The following EPHA6 variants were observed in gnomAD, a reference collection of about 807,000 sequenced individuals.
The protein encoded by EPHA6 is ephrin type-A receptor 6.
Under a neutral mutation model 112.0 loss-of-function variants are expected in EPHA6, and 50 were observed. The ratio of observed to expected loss-of-function variants is 0.45; its 90% CI spans 0.36 to 0.56. The LOEUF (loss-of-function observed/expected upper bound fraction) is 0.56, where lower values mean the gene tolerates loss of function less well. EPHA6 is among the 20% of genes least tolerant of loss of function. The probability of loss-of-function intolerance (pLI) is 0.00; values close to 1 mark genes in which losing one functional copy is unlikely to be tolerated. For synonymous variants in EPHA6, 529 were observed against 490.7 expected (o/e 1.08, Z -1.03); for missense variants, 1,280 against 1,417.4 (o/e 0.90, Z 1.56).
chr3:96,908,249 G>A (rs995015629), intron 2 of EPHA6, among the ~76,000 whole-genome samples: 35 of 152,012 alleles, frequency 2.3e-4, no homozygotes, highest in African/African-American at 7.9e-4. Flanking sequence ...AACATTATGC[G>A]GAGCATGACT....
chr3:97,018,880 G>T (rs548951454), intron 3 of EPHA6, among the ~76,000 whole-genome samples: 27 of 152,274 alleles, frequency 1.8e-4, no homozygotes, highest in African/African-American at 6.5e-4. Flanking sequence ...CTTAGACCAC[G>T]GTCCGCCTGG....
chr3:96,955,311 C>T (rs1303529895), intron 2 of EPHA6, among the ~76,000 whole-genome samples: 1 of 152,078 alleles, frequency 6.6e-6, no homozygotes, highest in East Asian at 1.9e-4. Context: ...CATATTATAT[C>T]TCTTTTCATT....
intron 2 of EPHA6, among the ~76,000 whole-genome samples, chr3:96,867,500 A>G (rs1439719663): frequency 2.0e-5 from 3 of 151,688 alleles, no homozygotes; most frequent in Non-Finnish European, 4.4e-5. Context: ...ATTTTGCATC[A>G]TTTTCATATT....
intron 3 of EPHA6, among the ~76,000 whole-genome samples, chr3:97,201,898 T>C (rs1440786727): frequency 6.6e-6 from 1 of 152,054 alleles, no homozygotes; most frequent in Non-Finnish European, 1.5e-5. Context: ...CACAGGCACA[T>C]AAGGACCAGA....
At chr3:97,442,758 A>G (rs1369948490) in intron 6 of EPHA6, among the ~76,000 whole-genome samples, 8 of 152,210 alleles carry the variant, frequency 5.3e-5, no homozygotes. Context: ...TCTTTCAGCC[A>G]GAATATGATG....
intron 2 of EPHA6, among the ~76,000 whole-genome samples, chr3:96,921,815 A>C (rs2039779474): frequency 6.6e-6 from 1 of 151,976 alleles, no homozygotes; most frequent in Non-Finnish European, 1.5e-5. Flanking sequence ...TGACCTGCCC[A>C]CCTTGGCCTC....
At chr3:96,815,916 T>C (rs1309374355) in intron 1 of EPHA6, among the ~76,000 whole-genome samples, 1 of 152,212 alleles carries the variant, frequency 6.6e-6, no homozygotes, top group Non-Finnish European at 1.5e-5. Flanking sequence ...AGCATGTATC[T>C]GGCTAGATAT....
intron 13 of EPHA6, among the ~76,000 whole-genome samples, chr3:97,619,446 C>T (rs1330642050): frequency 8.0e-6 from 1 of 124,478 alleles, no homozygotes; most frequent in African/African-American, 2.8e-5. Context: ...GGGGGGGGGG[C>T]ATCCAAATAG....
At chr3:97,386,981 C>T (rs1244460430) in intron 5 of EPHA6, among the ~76,000 whole-genome samples, 1 of 152,182 alleles carries the variant, frequency 6.6e-6, no homozygotes, top group African/African-American at 2.4e-5. Context: ...GTTCCTTGGC[C>T]CCCTTTTAGC....
intron 5 of EPHA6, among the ~76,000 whole-genome samples, chr3:97,256,709 T>C (rs1270076038): frequency 6.6e-6 from 1 of 152,052 alleles, no homozygotes; most frequent in African/African-American, 2.4e-5. Context: ...TCTTAGGAGA[T>C]GTGGTGGCAG....
Position 97,445,843 on chromosome 3 carries a change from CAG to C in EPHA6, c.1732-2723_1732-2722del, listed in dbSNP as rs1382109424. Among the ~76,000 whole-genome samples, 5 of 151,976 alleles carry C rather than the reference CAG, an allele frequency of 3.3e-5. No individual in the cohort carries two copies. The South Asian group carries it at 8.3e-4, about 25-fold the overall frequency. On this transcript the variant is annotated intron_variant, in intron 6 of 17. Coordinates refer to ENST00000389672, the MANE Select transcript of EPHA6 (RefSeq NM_001080448.3). ...TCACACATTCAGCAAAGATGAAAAA[CAG>C]AACTTTATGAACAATGGAACGTGTT... is the stretch of plus-strand genomic sequence containing the variant.
chr3:97,466,462 A>T, intron 7 of EPHA6: 1 of 1,504,428 alleles, frequency 6.6e-7, no homozygotes, highest in Non-Finnish European at 9.3e-7. Flanking sequence ...CTTAATGAAA[A>T]GTGGGACTTT....
chr3:97,282,674 A>G (rs1016401195), intron 5 of EPHA6, among the ~76,000 whole-genome samples: 1 of 152,204 alleles, frequency 6.6e-6, no homozygotes, highest in African/African-American at 2.4e-5. Flanking sequence ...GAACGAGATT[A>G]TGTCTTTTGC....
chr3:97,443,359 CAAAAA>C lies in EPHA6; in HGVS notation c.1732-5193_1732-5189del, dbSNP rs5851066. Among the ~76,000 whole-genome samples, 509 of 68,228 alleles carry C rather than the reference CAAAAA, an allele frequency of 7.5e-3. 2 individuals carry two copies. The highest frequency in any genetic ancestry group is 0.024 in the African/African-American group (473 of 19,708). The allele number at this position is 68,228 out of a possible 152,430, so 44.8% of individuals were successfully genotyped here. A position where few individuals can be genotyped will look rare whatever the true frequency, so the allele number is the denominator to read the frequency against. ...TACCACTGTCTTAATTAAGACATCG[CAAAAA>C]AAAAAAAAAAAAAAAGATTTGGATA... On this transcript the variant is annotated intron_variant, in intron 6 of 17. Coordinates refer to ENST00000389672, the MANE Select transcript of EPHA6 (RefSeq NM_001080448.3).
At chr3:97,142,671 A>G (rs1485622562) in intron 3 of EPHA6, among the ~76,000 whole-genome samples, 3 of 151,856 alleles carry the variant, frequency 2.0e-5, no homozygotes, top group African/African-American at 4.8e-5. Context: ...AGTCAGTAAT[A>G]AAACATCTTC....
chr3:97,569,275 A>G (rs1197222665), intron 11 of EPHA6, among the ~76,000 whole-genome samples: 3 of 152,254 alleles, frequency 2.0e-5, no homozygotes, highest in Admixed American at 6.5e-5. Flanking sequence ...ATAGCACATA[A>G]GTGTTCAATA....
intron 6 of EPHA6, among the ~76,000 whole-genome samples, chr3:97,408,939 A>C (rs760047034): frequency 3.3e-5 from 5 of 152,118 alleles, no homozygotes; most frequent in Non-Finnish European, 7.4e-5. Context: ...CCAGTAGTTT[A>C]TGAGTCCCTG....
chr3:97,311,996 T>C (rs1415445996), intron 5 of EPHA6, among the ~76,000 whole-genome samples: 1 of 151,676 alleles, frequency 6.6e-6, no homozygotes, highest in African/African-American at 2.4e-5. Flanking sequence ...GTGTAATTTT[T>C]CTTAGCAATG....
At chr3:96,909,927 GC>G (rs954907639) in intron 2 of EPHA6, among the ~76,000 whole-genome samples, 4 of 151,944 alleles carry the variant, frequency 2.6e-5, no homozygotes, top group African/African-American at 9.7e-5. Flanking sequence ...GTGGGAGTTG[GC>G]CTAGATGTAA....
Sources: gnomAD v4.1 joint callset for allele counts (sites outside exome capture counted in the v4.1 genomes callset) on GRCh38, gnomAD v4.1.1 for gene constraint, MANE v1.5 for transcripts, NCBI Gene and HGNC (gene_info 2026-07-23, HGNC 2026-07-21) for gene names.